The following LOXHD1 variants were observed in gnomAD, a reference collection of about 807,000 sequenced individuals.
LOXHD1 encodes lipoxygenase homology PLAT domains 1.
In LOXHD1, 205 loss-of-function variants were observed where a neutral mutation model predicts 248.2. The ratio of observed to expected loss-of-function variants is 0.83; its 90% confidence interval spans 0.74 to 0.93. LOXHD1 has a LOEUF of 0.93. LOXHD1 is among the 40% of genes least tolerant of loss of function. LOXHD1 has a pLI of 0.00. For synonymous variants in LOXHD1, 1,113 were observed against 1,162.8 expected, an observed-to-expected ratio of 0.96 and a Z score of 0.87; for missense variants, 2,930 against 2,971.6, an observed-to-expected ratio of 0.99 and a Z score of 0.33.
intron 12 of LOXHD1, among the ~76,000 whole-genome samples, chr18:46,591,651 T>C (rs150534264): frequency 8.5e-5 from 13 of 152,326 alleles, no homozygotes; most frequent in African/African-American, 2.9e-4. Flanking sequence ...TGGAGAACTA[T>C]TGCTCAGGGC....
intron 16 of LOXHD1, among the ~76,000 whole-genome samples, chr18:46,568,283 A>G (rs1454330290): frequency 6.6e-6 from 1 of 152,176 alleles, no homozygotes; most frequent in East Asian, 1.9e-4. Flanking sequence ...ATCCCAGCTC[A>G]GGCATTTCTA....
At chr18:46,616,561 C>T (rs922858001) in intron 5 of LOXHD1, among the ~76,000 whole-genome samples, 6 of 152,158 alleles carry the variant, frequency 3.9e-5, no homozygotes, top group African/African-American at 1.4e-4. Flanking sequence ...TCCATTTTTG[C>T]TCACCTTTGT....
In LOXHD1 at chr18:46,507,577, T is replaced by C. The variant is rs1313380649; in HGVS notation, c.5653A>G (p.Thr1885Ala). The change falls in exon 36 of 41, where the codon ACC (threonine) becomes GCC (alanine). Residue 1885 changes from threonine (T) to alanine (A), a missense_variant. Thr to Ala is a moderately conservative substitution (Grantham distance 58). Coordinates refer to ENST00000642948, the MANE Select transcript of LOXHD1 (RefSeq NM_001384474.1). ...VIDEEEMMEWTSYTVAVKTSD... is the reference protein window; with the variant it reads ...VIDEEEMMEWASYTVAVKTSD... The stretch of plus-strand genomic sequence containing the variant: ...GTCTTAACTGCGACGGTGTAGGAGG[T>C]CCACTCCATCATTTCTTCCTCATCG... 6.4e-7 allele frequency: 1 copy of C among 1,551,428 alleles called. No individual in the cohort carries two copies. The highest frequency in any genetic ancestry group is 1.2e-5 in the South Asian group (1 of 84,046).
rs184747932 is a variant in LOXHD1, at chr18:46,592,573, C to T, written c.1443G>A (p.Pro481=). Residue 481 remains proline (P), a synonymous_variant, in exon 11 of 41, where the codon CCG becomes CCA. Transcript: ENST00000642948. ...GAATCTTATAAAACCTGCCAAGATCCGGGAGCTCAATCTATGGTGAGAAAT... is the reference window on the plus strand; with the variant it reads ...GAATCTTATAAAACCTGCCAAGATCTGGGAGCTCAATCTATGGTGAGAAAT... The part of the protein sequence containing the change: ...GIIEKFRIEL[P]DLGRFYKIRV... The T allele has an allele frequency of 2.4e-5, 38 of 1,551,474 alleles. No individual in the cohort carries two copies. The highest frequency in any genetic ancestry group is 1.8e-4 in the South Asian group (15 of 84,042).
intron 24 of LOXHD1, 91 bp from the exon 25 acceptor site, chr18:46,542,031 A>G: frequency 7.8e-7 from 1 of 1,282,078 alleles, no homozygotes; most frequent in Non-Finnish European, 1.1e-6. Context: ...TTCCTTCCTT[A>G]GGTGGCTGGC....
chr18:46,479,788 AC>A (rs2143469366), intron 40 of LOXHD1, among the ~76,000 whole-genome samples: 1 of 151,464 alleles, frequency 6.6e-6, no homozygotes, highest in Non-Finnish European at 1.5e-5. Context: ...AAAAAAAAAA[AC>A]ACCTTTGGTT....
At chr18:46,554,631 T>A (rs1473322911) in intron 21 of LOXHD1, among the ~76,000 whole-genome samples, 1 of 147,004 alleles carries the variant, frequency 6.8e-6, no homozygotes, top group East Asian at 2.0e-4. Flanking sequence ...CAACTAGCCA[T>A]GCCAACAGAA....
Position 46,490,059 on chromosome 18 carries a change from G to A in LOXHD1, c.5879-917C>T, listed in dbSNP as rs111704248. Among the ~76,000 whole-genome samples the A allele has an allele frequency of 9.2e-5, 14 of 152,354 alleles. 1 individual carries two copies. The highest frequency in any genetic ancestry group is 3.4e-4 in the African/African-American group (14 of 41,588). On this transcript the variant is annotated intron_variant, in intron 37 of 40. Transcript: ENST00000642948. ...ATTGATGTGCACTTGCCTGCATGGTGTAAATAGCATGCATGTGACAGCTGC... is the reference window on the plus strand; with the variant it reads ...ATTGATGTGCACTTGCCTGCATGGTATAAATAGCATGCATGTGACAGCTGC...
At chr18:46,509,624 A>G in intron 35 of LOXHD1, 74 bp downstream of exon 35, 1 of 1,121,404 alleles carries the variant, frequency 8.9e-7, no homozygotes, top group Non-Finnish European at 1.3e-6. Flanking sequence ...AACAAGGTCC[A>G]TTGACAAGCC....
rs1169931829 is a variant in LOXHD1, at chr18:46,477,287, AATT to A, written c.*182_*184del. The A allele has an allele frequency of 4.8e-6, 4 of 828,588 alleles. No homozygotes were observed. Among genetic ancestry groups the A allele is most frequent in the Non-Finnish European group, 8.2e-6 (4 of 488,222 alleles). The allele number at this position is 828,588 out of a possible 1,614,324, so 51.3% of individuals were successfully genotyped here. A position where few individuals can be genotyped will look rare whatever the true frequency, so the allele number is the denominator to read the frequency against. ...GCAGCCACAGATTATGACACATGCT[AATT>A]ATTATCACTGTAGGTTCAATAAACT... On this transcript the variant is annotated 3_prime_UTR_variant, in exon 41 of 41. Transcript: ENST00000642948.
intron 19 of LOXHD1, 36 bp downstream of exon 19, chr18:46,560,047 C>T (rs1568184648): frequency 4.8e-6 from 6 of 1,238,564 alleles, no homozygotes; most frequent in South Asian, 1.4e-5. Context: ...TGTCTGGCCA[C>T]TCCCTCCCCA....
intron 21 of LOXHD1, among the ~76,000 whole-genome samples, chr18:46,549,667 T>C (rs1056299060): frequency 1.3e-5 from 2 of 152,200 alleles, no homozygotes; most frequent in African/African-American, 2.4e-5. Flanking sequence ...AGAGGACAAC[T>C]CTTTATTAGA....
intron 30 of LOXHD1, 34 bp from the exon 31 acceptor site, chr18:46,524,635 C>T (rs1045958833): frequency 1.3e-6 from 2 of 1,551,304 alleles, no homozygotes; most frequent in Middle Eastern, 1.7e-4. Context: ...AGTTGCAGCT[C>T]CAGCACCTCC....
chr18:46,572,340 C>T (rs1010156714), intron 14 of LOXHD1, among the ~76,000 whole-genome samples, 178 bp from the exon 15 acceptor site: 7 of 152,112 alleles, frequency 4.6e-5, no homozygotes, highest in Admixed American at 3.3e-4. Context: ...GAGGACTTCC[C>T]GGAGGCAGTG....
chr18:46,624,448 G>T (rs914941896), intron 4 of LOXHD1, among the ~76,000 whole-genome samples: 4 of 152,162 alleles, frequency 2.6e-5, no homozygotes, highest in African/African-American at 9.7e-5. Flanking sequence ...GGGCAGGGGG[G>T]ACAATGCCAT....
intron 5 of LOXHD1, among the ~76,000 whole-genome samples, chr18:46,616,080 T>C (rs1232966748): frequency 3.9e-5 from 6 of 152,198 alleles, no homozygotes; most frequent in Admixed American, 3.9e-4. Context: ...TTCTGTATCA[T>C]ATACTGTATT....
chr18:46,633,008 G>A (rs942319872), intron 4 of LOXHD1, among the ~76,000 whole-genome samples: 33 of 152,198 alleles, frequency 2.2e-4, no homozygotes, highest in Non-Finnish European at 3.5e-4. Flanking sequence ...GAAGTCTTGC[G>A]CAAGAACTGA....
rs372033355 is a variant in LOXHD1, at chr18:46,572,066, T to C, written c.2047+20A>G. ...TCTCACCAAGGGCACACCCAGCACC[T>C]GGTCATCAGGACAACTCACTCTTCA... On this transcript the variant is annotated intron_variant, in intron 15 of 40. Transcript: ENST00000642948. The C allele has an allele frequency of 4.3e-5, 67 of 1,550,242 alleles. No homozygotes were observed. The African/African-American group carries it at 8.6e-4, about 20-fold the overall frequency.
chr18:46,493,941 C>T (rs1252808735), intron 37 of LOXHD1, among the ~76,000 whole-genome samples: 1 of 152,228 alleles, frequency 6.6e-6, no homozygotes. Flanking sequence ...TACAAATCCC[C>T]TAGCCCAGTG....
Sources: allele counts gnomAD v4.1 joint callset (sites outside exome capture counted in the v4.1 genomes callset), GRCh38; gene constraint gnomAD v4.1.1; transcripts MANE v1.5; gene names NCBI Gene and HGNC (gene_info 2026-07-23, HGNC 2026-07-21).